ITGAL: variants seen among roughly 807,000 people sequenced by gnomAD.
ITGAL encodes integrin alpha-L.
ITGAL carries 68 observed loss-of-function variants against 138.4 expected under a neutral mutation model. The ratio of observed to expected loss-of-function variants is 0.49; its 90% CI spans 0.40 to 0.60. The LOEUF (loss-of-function observed/expected upper bound fraction) is 0.60, where lower values mean the gene tolerates loss of function less well. Ranked by LOEUF, ITGAL falls within the 20% of genes least tolerant of loss-of-function variation. The pLI is 0.00. For missense variants in ITGAL, 1,256 were observed against 1,478.6 expected, an observed-to-expected ratio of 0.85 and a Z score of 2.47; for synonymous variants, 561 against 584.3, an observed-to-expected ratio of 0.96 and a Z score of 0.57.
Position 30,494,705 on chromosome 16 carries a change from C to T in ITGAL, c.1366-8C>T, listed in dbSNP as rs201770588. ...GGCGCTTCCCCAAACACCTGCCTCT[C>T]CCCACAGATTGGCTCTTATTTCGGT... On this transcript the variant is annotated splice_region_variant and splice_polypyrimidine_tract_variant and intron_variant, in intron 12 of 30. Coordinates refer to ENST00000356798, the MANE Select transcript of ITGAL (RefSeq NM_002209.3). This position sits in a 1 kb window ranked among gnomAD's most constrained non-coding sequence, Gnocchi z 4.2. 8 of 1,601,324 alleles carry T rather than the reference C, an allele frequency of 5.0e-6. No individual in the cohort carries two copies. In the South Asian group the frequency reaches 8.9e-5, roughly 18 times the overall value.
chr16:30,498,347 G>A (rs758232254), intron 15 of ITGAL, among the ~76,000 whole-genome samples: 1 of 151,438 alleles, frequency 6.6e-6, no homozygotes, highest in African/African-American at 2.4e-5. Flanking sequence ...CAAGAGGATC[G>A]CTGGAGGCCA....
intron 1 of ITGAL, 118 bp from the exon 2 acceptor site, chr16:30,474,078 C>T (rs972736462): frequency 2.3e-5 from 17 of 741,416 alleles, no homozygotes; most frequent in African/African-American, 2.2e-4. Context: ...GGAGGGGAAG[C>T]GCAGGGTGCG....
At position 30,481,438 on chromosome 16, in the gene ITGAL, G is replaced by C; in HGVS notation, c.577-1G>C. 1 of 1,600,988 alleles carries C rather than the reference G, an allele frequency of 6.2e-7. No individual in the cohort carries two copies. Among genetic ancestry groups the C allele is most frequent in the Non-Finnish European group, 8.5e-7 (1 of 1,172,572 alleles). On this transcript the variant is annotated splice_acceptor_variant, in intron 6 of 30. Transcript: ENST00000356798. LOFTEE classifies it high-confidence loss of function. ...ATGTCATTTCTTCCTTCCTTTTCTA[G>C]TTTGCTGCTGTTCAGTTTTCCACAA...
At chr16:30,492,169 G>T (rs1182117782) in intron 11 of ITGAL, among the ~76,000 whole-genome samples, 2 of 152,082 alleles carry the variant, frequency 1.3e-5, no homozygotes, top group Non-Finnish European at 2.9e-5. Flanking sequence ...TTCAATAGAG[G>T]TTGTCCTGGT....
At chr16:30,486,148 T>C (rs1481857245) in intron 9 of ITGAL, among the ~76,000 whole-genome samples, 2 of 152,312 alleles carry the variant, frequency 1.3e-5, no homozygotes, top group East Asian at 1.9e-4. Context: ...CTGAAAGATA[T>C]GTGATTCCTA....
rs1281503999 is a variant in ITGAL, at chr16:30,484,257, A to G, written c.1000A>G (p.Ile334Val). The G allele has an allele frequency of 6.2e-7, 1 of 1,612,836 alleles. No homozygotes were observed. Among genetic ancestry groups the G allele is most frequent in the South Asian group, 1.1e-5 (1 of 91,040 alleles). ...FTELQKKIYV[I>V]EGTSKQDLTS... ...TGAGCTGCAGAAGAAGATCTATGTC[A>G]TTGAGGGTGAGTGGCAGGCCCTGGG... The change falls in exon 9 of 31, where the codon ATT becomes GTT. Residue 334 changes from isoleucine to valine, a missense_variant. Transcript: ENST00000356798.
At position 30,474,260 on chromosome 16, in the gene ITGAL, G is replaced by A; in HGVS notation, c.126G>A (p.Gly42=). 1.2e-6 allele frequency: 2 copies of A among 1,610,020 alleles called. No individual in the cohort carries two copies. The highest frequency in any genetic ancestry group is 1.7e-6 in the Non-Finnish European group (2 of 1,178,350). The change falls in exon 2 of 31, where the codon GGG becomes GGA. Residue 42 remains glycine (G), a synonymous_variant. Transcript: ENST00000356798. Reference sequence around the variant, plus strand: ...GGAGCTTCTCCCCACCGCGCGCCGGGAGGCACTTTGGATACCGCGTCCTGC... The same window carrying A: ...GGAGCTTCTCCCCACCGCGCGCCGGAAGGCACTTTGGATACCGCGTCCTGC... ...GARSFSPPRA[G]RHFGYRVLQV...
chr16:30,497,072 C>G (rs556633034), intron 15 of ITGAL, among the ~76,000 whole-genome samples: 1 of 152,164 alleles, frequency 6.6e-6, no homozygotes, highest in South Asian at 2.1e-4. Context: ...CAGCTGGGCA[C>G]GGTGGCTCAC....
At chr16:30,518,560 G>T in intron 28 of ITGAL, 64 bp from the exon 29 acceptor site, 1 of 1,153,556 alleles carries the variant, frequency 8.7e-7, no homozygotes, top group Non-Finnish European at 1.3e-6. Flanking sequence ...TTGTGGTGGG[G>T]GCAAAAGCCA....
chr16:30,481,467 A>G lies in ITGAL; in HGVS notation c.605A>G (p.Tyr202Cys), dbSNP rs1218694592. Residue 202 changes from tyrosine to cysteine, a missense_variant, in exon 7 of 31, where the codon TAC becomes TGC. Physicochemically the swap from Tyr to Cys is radical, Grantham distance 194 (BLOSUM62 -2). This residue lies in a region of ITGAL where 177 missense variants were observed against 288.8 expected (regional missense o/e 0.61). Coordinates refer to ENST00000356798, the MANE Select transcript of ITGAL (RefSeq NM_002209.3). ...GCTGCTGTTCAGTTTTCCACAAGCT[A>G]CAAAACAGAATTTGATTTCTCAGAT... is the stretch of plus-strand genomic sequence containing the variant. ...QFAAVQFSTSYKTEFDFSDYV... is the reference protein window; with the variant it reads ...QFAAVQFSTSCKTEFDFSDYV... The G allele has an allele frequency of 3.7e-6, 6 of 1,612,994 alleles. No homozygotes were observed. The highest frequency in any genetic ancestry group is 1.1e-5 in the South Asian group (1 of 90,878).
chr16:30,501,775 C>T (rs1002490075), intron 17 of ITGAL, among the ~76,000 whole-genome samples: 1 of 151,966 alleles, frequency 6.6e-6, no homozygotes, highest in Non-Finnish European at 1.5e-5. Flanking sequence ...CACGGTGGCT[C>T]ATGCCAGCAC....
In ITGAL at chr16:30,494,106, G is replaced by C; in HGVS notation, c.1214-106G>C. ...GGAGAAGGTCTTCAGCTGTTTCCAT[G>C]CATCTCTGCTACTAACCCAATTCCC... On this transcript the variant is annotated intron_variant, in intron 11 of 30. Transcript: ENST00000356798. This position sits in a 1 kb window ranked among gnomAD's most constrained non-coding sequence, Gnocchi z 4.2. The C allele has an allele frequency of 2.2e-6, 2 of 917,592 alleles. No individual in the cohort carries two copies. Among genetic ancestry groups the C allele is most frequent in the Non-Finnish European group, 3.3e-6 (2 of 603,130 alleles). 56.8% of individuals were successfully genotyped at this position (917,592 alleles called of 1,614,324 possible). A position where few individuals can be genotyped will look rare whatever the true frequency, so the allele number is the denominator to read the frequency against.
intron 17 of ITGAL, among the ~76,000 whole-genome samples, chr16:30,499,728 TATATA>T (rs2050862124): frequency 9.0e-6 from 1 of 111,266 alleles, no homozygotes; most frequent in Non-Finnish European, 1.7e-5. Flanking sequence ...TATATATATA[TATATA>T]TTTTTTTTTT....
chr16:30,510,215 A>T lies in ITGAL; in HGVS notation c.2509-146A>T. 5 of 635,990 alleles carry T rather than the reference A, an allele frequency of 7.9e-6. No individual in the cohort carries two copies. The South Asian group carries it at 9.0e-5, about 11-fold the overall frequency. The allele number at this position is 635,990 out of a possible 1,614,324, so 39.4% of individuals were successfully genotyped here. A position where few individuals can be genotyped will look rare whatever the true frequency, so the allele number is the denominator to read the frequency against. On this transcript the variant is annotated intron_variant, in intron 21 of 30. Transcript: ENST00000356798. Reference sequence around the variant, plus strand: ...TATTTTGTACTAAGCCTCTGTCTGCAGCCCTGATTCTTGGGCCCTTTCCCG... The same window carrying T: ...TATTTTGTACTAAGCCTCTGTCTGCTGCCCTGATTCTTGGGCCCTTTCCCG...
intron 9 of ITGAL, among the ~76,000 whole-genome samples, chr16:30,484,949 A>C (rs1313876044): frequency 6.6e-6 from 1 of 151,948 alleles, no homozygotes; most frequent in African/African-American, 2.4e-5. Flanking sequence ...AAAAACAAAA[A>C]AAAACCTCCC....
intron 6 of ITGAL, chr16:30,481,173 CACACACACACCA>C (rs1408900920): frequency 5.1e-6 from 2 of 393,608 alleles, no homozygotes; most frequent in Non-Finnish European, 4.7e-6. Flanking sequence ...CACACACACA[CACACACACACCA>C]CACACACACA....
intron 29 of ITGAL, among the ~76,000 whole-genome samples, chr16:30,519,103 A>G (rs1018283014): frequency 3.3e-5 from 5 of 152,054 alleles, no homozygotes; most frequent in Non-Finnish European, 5.9e-5. Flanking sequence ...GGCGCCTGTA[A>G]TCCCAGCTGT....
At chr16:30,510,249 G>C in intron 21 of ITGAL, 112 bp from the exon 22 acceptor site, 2 of 694,794 alleles carry the variant, frequency 2.9e-6, no homozygotes, top group Non-Finnish European at 5.2e-6. Flanking sequence ...CGCTGAGAAG[G>C]TTCCATGACA....
At chr16:30,499,809 C>T (rs1374149168) in intron 17 of ITGAL, among the ~76,000 whole-genome samples, 2 of 144,784 alleles carry the variant, frequency 1.4e-5, no homozygotes, top group Non-Finnish European at 3.0e-5. Flanking sequence ...CTTACTACAG[C>T]ACGATCTCGG....
Sources: allele counts gnomAD v4.1 joint callset (sites outside exome capture counted in the v4.1 genomes callset), GRCh38; gene constraint gnomAD v4.1.1; regional missense constraint gnomAD v4.1.1; non-coding constraint Gnocchi (gnomAD v3.1); transcripts MANE v1.5; gene names NCBI Gene and HGNC (gene_info 2026-07-23, HGNC 2026-07-21).